IL7: variants seen among roughly 807,000 people sequenced by gnomAD.
IL7 encodes interleukin-7.
IL7 carries 3 observed loss-of-function variants against 21.6 expected under a neutral mutation model. The observed-to-expected ratio is 0.14, with a 90% CI of 0.06 to 0.36. The LOEUF (loss-of-function observed/expected upper bound fraction) is 0.36. IL7 is among the 10% of genes least tolerant of loss of function. The pLI is 1.00. For missense variants in IL7, 175 were observed against 200.2 expected, an observed-to-expected ratio of 0.87 and a Z score of 0.76; for synonymous variants, 62 against 68.1, an observed-to-expected ratio of 0.91 and a Z score of 0.44.
At chr8:78,693,266 C>A (rs935827807) in intron 3 of IL7, among the ~76,000 whole-genome samples, 10 of 152,012 alleles carry the variant, frequency 6.6e-5, no homozygotes, top group South Asian at 2.1e-4. Flanking sequence ...ATGGCTGGGT[C>A]AAATGGTATT....
At chr8:78,738,881 T>C (rs1161129585) in intron 3 of IL7, among the ~76,000 whole-genome samples, 3 of 152,220 alleles carry the variant, frequency 2.0e-5, no homozygotes, top group African/African-American at 7.2e-5. Context: ...GTTTGTTTTC[T>C]CTATTATGCT....
intron 2 of IL7, among the ~76,000 whole-genome samples, chr8:78,795,031 G>A (rs780337674): frequency 2.6e-5 from 4 of 152,040 alleles, no homozygotes; most frequent in Non-Finnish European, 5.9e-5. Context: ...TAGAGAGCAT[G>A]GACAAAGATT....
At chr8:78,769,414 T>C (rs1238887592) in intron 2 of IL7, among the ~76,000 whole-genome samples, 1 of 152,076 alleles carries the variant, frequency 6.6e-6, no homozygotes. Context: ...AGCCAAATCA[T>C]GAGTGAACTC....
At chr8:78,694,094 C>T (rs550946751) in intron 3 of IL7, among the ~76,000 whole-genome samples, 3 of 152,158 alleles carry the variant, frequency 2.0e-5, no homozygotes, top group African/African-American at 7.2e-5. Context: ...TGGTCTATAT[C>T]TCTGTTTTGT....
intron 2 of IL7, among the ~76,000 whole-genome samples, chr8:78,775,041 T>C (rs1292601584): frequency 2.0e-5 from 3 of 152,130 alleles, no homozygotes; most frequent in Non-Finnish European, 4.4e-5. Flanking sequence ...TTGTGTAAAG[T>C]TGTGTATGCA....
intron 3 of IL7, among the ~76,000 whole-genome samples, chr8:78,699,445 A>G (rs1452922127): frequency 6.6e-6 from 1 of 152,146 alleles, no homozygotes; most frequent in Non-Finnish European, 1.5e-5. Context: ...TTAATGAAAT[A>G]CAGCACACAT....
chr8:78,762,475 C>A, intron 2 of IL7: 1 of 1,503,148 alleles, frequency 6.7e-7, no homozygotes, highest in Non-Finnish European at 9.0e-7. Flanking sequence ...CTCCCCGCCT[C>A]CTCAGGGCAG....
rs1217927197 is a variant in IL7, at chr8:78,707,853, T to C, written n.214+13495A>G. Among the ~76,000 whole-genome samples, 20 of 84,034 alleles carry C rather than the reference T, an allele frequency of 2.4e-4. 1 individual carries two copies. Among genetic ancestry groups the C allele is most frequent in the Non-Finnish European group, 3.9e-4 (15 of 38,284 alleles). The allele number at this position is 84,034 out of a possible 152,430, so 55.1% of individuals were successfully genotyped here. On this transcript the variant is annotated intron_variant and non_coding_transcript_variant, in intron 3 of 4. Transcript: ENST00000523959. ...AGTGACAGAGTTCCTTCCTTTTTTT[T>C]TCTTTTTTTTTTTTTAAGAATTAGT...
At position 78,798,154 on chromosome 8, in the gene IL7, A is replaced by G. The variant is rs1813925581; in HGVS notation, c.65T>C (p.Val22Ala). ...TTCAATATCACAATCAGATGATGCT[A>G]CTGGCAACAGAACAAGGATCAGGGG... ...LPPLILVLLPVASSDCDIEGK... is the reference protein window; with the variant it reads ...LPPLILVLLPAASSDCDIEGK... The change falls in exon 2 of 6, where the codon GTA becomes GCA. Residue 22 changes from valine to alanine, a missense_variant. Coordinates refer to ENST00000263851, the MANE Select transcript of IL7 (RefSeq NM_000880.4). The G allele has an allele frequency of 1.2e-6, 2 of 1,611,484 alleles. No homozygotes were observed. Among genetic ancestry groups the G allele is most frequent in the Admixed American group, 1.7e-5 (1 of 59,934 alleles).
chr8:78,752,653 G>A (rs1812212971), intron 2 of IL7, among the ~76,000 whole-genome samples: 1 of 152,118 alleles, frequency 6.6e-6, no homozygotes, highest in Non-Finnish European at 1.5e-5. Flanking sequence ...GTGCAGGCTT[G>A]TAACATAGGT....
intron 2 of IL7, among the ~76,000 whole-genome samples, chr8:78,796,273 C>T (rs767564833): frequency 4.6e-5 from 7 of 151,692 alleles, no homozygotes; most frequent in Non-Finnish European, 8.8e-5. Flanking sequence ...TCCTATGTAC[C>T]AGCAATAAAC....
At chr8:78,675,616 A>G (rs1809554502), downstream of IL7, 6 of 569,056 alleles carry the variant, frequency 1.1e-5, no homozygotes, top group Non-Finnish European at 1.8e-5. Context: ...CACCACTGAT[A>G]ACTAAGTATT....
downstream of IL7, among the ~76,000 whole-genome samples, chr8:78,713,082 C>T (rs1166272044): frequency 2.6e-5 from 4 of 152,100 alleles, no homozygotes; most frequent in Non-Finnish European, 5.9e-5. Context: ...CTCACAGTAA[C>T]AGTGACTAGC....
At chr8:78,770,811 GTGATTATA>G (rs1812925010) in intron 2 of IL7, among the ~76,000 whole-genome samples, 1 of 152,026 alleles carries the variant, frequency 6.6e-6, no homozygotes, top group Non-Finnish European at 1.5e-5. Context: ...TGTCTATCCA[GTGATTATA>G]TAATAAAATC....
At chr8:78,699,908 T>G (rs1209054548) in intron 3 of IL7, among the ~76,000 whole-genome samples, 1 of 152,202 alleles carries the variant, frequency 6.6e-6, no homozygotes, top group Non-Finnish European at 1.5e-5. Flanking sequence ...TTCAGTATTA[T>G]GAATAGTGCT....
intron 3 of IL7, among the ~76,000 whole-genome samples, chr8:78,706,815 C>A (rs1259253878): frequency 6.6e-6 from 1 of 151,852 alleles, no homozygotes; most frequent in Non-Finnish European, 1.5e-5. Context: ...TTTTGCTTCT[C>A]AATTCAGACT....
chr8:78,770,166 A>G (rs1586088676), intron 2 of IL7, among the ~76,000 whole-genome samples: 1 of 152,230 alleles, frequency 6.6e-6, no homozygotes, highest in Non-Finnish European at 1.5e-5. Context: ...AGTGGCAACA[A>G]AAGCCAAATG....
chr8:78,718,321 AAT>A (rs1274796788), intron 6 of IL7: 1 of 152,000 alleles, frequency 6.6e-6, no homozygotes, highest in Non-Finnish European at 1.5e-5. Flanking sequence ...TTGAAAATGT[AAT>A]TATTTAATAT....
intron 2 of IL7, among the ~76,000 whole-genome samples, chr8:78,788,811 T>C (rs953155127): frequency 4.7e-4 from 71 of 152,324 alleles, no homozygotes; most frequent in African/African-American, 1.5e-3. Context: ...TGTCAATTAC[T>C]GACAGAAGGC....
Sources: gnomAD v4.1 joint callset for allele counts (sites outside exome capture counted in the v4.1 genomes callset) on GRCh38, gnomAD v4.1.1 for gene constraint, MANE v1.5 for transcripts, NCBI Gene and HGNC (gene_info 2026-07-23, HGNC 2026-07-21) for gene names.